Variants in RNF180 observed in about 807,000 individuals in gnomAD.
The protein encoded by RNF180 is E3 ubiquitin-protein ligase RNF180.
Under a neutral mutation model 59.2 loss-of-function variants are expected in RNF180, and 38 were observed. The ratio of observed to expected loss-of-function variants is 0.64; its 90% CI spans 0.50 to 0.84. The LOEUF is 0.84. RNF180 is among the 40% of genes least tolerant of loss of function. The probability of loss-of-function intolerance (pLI) is 0.00; values close to 1 mark genes in which losing one functional copy is unlikely to be tolerated. For synonymous variants in RNF180, 262 were observed against 240.3 expected, an observed-to-expected ratio of 1.09 and a Z score of -0.84; for missense variants, 705 against 700.9, an observed-to-expected ratio of 1.01 and a Z score of -0.07.
intron 7 of RNF180, among the ~76,000 whole-genome samples, chr5:64,368,101 A>G (rs1377995261): frequency 2.0e-5 from 3 of 151,730 alleles, no homozygotes; most frequent in Non-Finnish European, 4.4e-5. Context: ...TAATAAGTAG[A>G]CTATAGTTGA....
chr5:64,246,886 C>G (rs763512203), intron 5 of RNF180, among the ~76,000 whole-genome samples: 19 of 152,118 alleles, frequency 1.2e-4, no homozygotes, highest in Non-Finnish European at 2.2e-4. Context: ...CCGGAATCAG[C>G]AGCACATCAA....
At chr5:64,272,278 T>C (rs1257650687) in intron 5 of RNF180, among the ~76,000 whole-genome samples, 1 of 152,014 alleles carries the variant, frequency 6.6e-6, no homozygotes, top group Non-Finnish European at 1.5e-5. Flanking sequence ...TGAAAAAGTG[T>C]CCTTTTGGCC....
chr5:64,331,824 G>C (rs1744922447), intron 7 of RNF180, among the ~76,000 whole-genome samples: 1 of 152,198 alleles, frequency 6.6e-6, no homozygotes, highest in African/African-American at 2.4e-5. Flanking sequence ...CAGATGTAGA[G>C]ATCCCTGAGC....
At chr5:64,180,479 G>A (rs915164798) in intron 1 of RNF180, among the ~76,000 whole-genome samples, 1 of 152,160 alleles carries the variant, frequency 6.6e-6, no homozygotes, top group African/African-American at 2.4e-5. Flanking sequence ...AGCCTCCAGT[G>A]TACCATTTTC....
intron 5 of RNF180, among the ~76,000 whole-genome samples, chr5:64,246,673 A>G (rs183727638): frequency 1.0e-3 from 159 of 152,330 alleles, no homozygotes; most frequent in African/African-American, 3.7e-3. Flanking sequence ...TCTGAATTCT[A>G]CCAGAGGTAC....
rs143707598 is a variant in RNF180, at chr5:64,276,374, G to GGTGTGTGT, written c.1228-48801_1228-48794dup. 4.8e-3 allele frequency among the ~76,000 whole-genome samples: 701 copies of GGTGTGTGT among 145,452 alleles called. 8 individuals carry two copies. Among genetic ancestry groups the GGTGTGTGT allele is most frequent in the African/African-American group, 0.017 (666 of 39,230 alleles). On this transcript the variant is annotated intron_variant, in intron 5 of 7. Transcript: ENST00000389100. The stretch of plus-strand genomic sequence containing the variant: ...TGTGTGTGTGTACAAAAACCACATT[G>GGTGTGTGT]GTGTGTGTGTGTGTGTGTTTATTTA...
chr5:64,288,916 T>G (rs186453904), intron 5 of RNF180, among the ~76,000 whole-genome samples: 2 of 152,326 alleles, frequency 1.3e-5, no homozygotes, highest in Admixed American at 1.3e-4. Flanking sequence ...GACCAGAACT[T>G]CTAATACTAT....
intron 7 of RNF180, among the ~76,000 whole-genome samples, chr5:64,334,369 G>A (rs1302873219): frequency 6.6e-6 from 1 of 152,150 alleles, no homozygotes; most frequent in Admixed American, 6.5e-5. Context: ...GAACTTGACT[G>A]CAGCTCCCTT....
At position 64,235,040 on chromosome 5, in the gene RNF180, G is replaced by A. The variant is rs191120721; in HGVS notation, c.1227+17644G>A. On this transcript the variant is annotated intron_variant, in intron 5 of 7. Coordinates refer to ENST00000389100, the MANE Select transcript of RNF180 (RefSeq NM_001113561.2). ...ACTTGTAATCCCAGTACTTTGGGAGGCCAGGGCAGGAGGATCACTTTATCC... is the reference window on the plus strand; with the variant it reads ...ACTTGTAATCCCAGTACTTTGGGAGACCAGGGCAGGAGGATCACTTTATCC... 1.0e-3 allele frequency among the ~76,000 whole-genome samples: 154 copies of A among 152,280 alleles called. 2 individuals are homozygous for A. In the East Asian group the frequency reaches 0.018, roughly 18 times the overall value.
intron 7 of RNF180, among the ~76,000 whole-genome samples, chr5:64,348,835 C>G (rs908462682): frequency 6.6e-6 from 1 of 151,952 alleles, no homozygotes; most frequent in African/African-American, 2.4e-5. Context: ...AATGATATAA[C>G]TTATTATTCA....
chr5:64,283,342 C>G (rs989488025), intron 5 of RNF180, among the ~76,000 whole-genome samples: 3 of 151,706 alleles, frequency 2.0e-5, no homozygotes, highest in Non-Finnish European at 4.4e-5. Context: ...TTCTTCATCC[C>G]TTTCCTTTAA....
rs1009544339 is a variant in RNF180, at chr5:64,201,077, C to T, written c.135+135C>T. The stretch of plus-strand genomic sequence containing the variant: ...CTTTGTCATGACTCTTTGTCTCTCA[C>T]CTTATTTCACCTGACCCACTGAAAA... On this transcript the variant is annotated intron_variant, in intron 2 of 7. Transcript: ENST00000389100. 2.8e-5 allele frequency: 18 copies of T among 637,984 alleles called. No individual in the cohort carries two copies. In the Admixed American group the frequency reaches 4.2e-4, roughly 15 times the overall value. 39.5% of individuals were successfully genotyped at this position (637,984 alleles called of 1,614,324 possible). A position where few individuals can be genotyped will look rare whatever the true frequency, so the allele number is the denominator to read the frequency against.
intron 5 of RNF180, among the ~76,000 whole-genome samples, chr5:64,231,229 CAT>C (rs1300419370): frequency 1.1e-4 from 17 of 152,254 alleles, no homozygotes; most frequent in African/African-American, 4.1e-4. Context: ...ATAAATAACA[CAT>C]ATGTAGCACA....
At chr5:64,309,515 A>T (rs1743647408) in intron 5 of RNF180, among the ~76,000 whole-genome samples, 1 of 151,494 alleles carries the variant, frequency 6.6e-6, no homozygotes, top group African/African-American at 2.4e-5. Flanking sequence ...CATAATGTAA[A>T]TTTTTTTGTT....
Position 64,369,839 on chromosome 5 carries a change from A to C in RNF180, c.*25A>C. 7.9e-7 allele frequency: 1 copy of C among 1,259,078 alleles called. No individual in the cohort carries two copies. The highest frequency in any genetic ancestry group is 1.1e-6 in the Non-Finnish European group (1 of 947,934). 78.0% of individuals were successfully genotyped at this position (1,259,078 alleles called of 1,614,324 possible). On this transcript the variant is annotated 3_prime_UTR_variant, in exon 8 of 8. Coordinates refer to ENST00000389100, the MANE Select transcript of RNF180 (RefSeq NM_001113561.2). Reference sequence around the variant, plus strand: ...GGAATTTCATACCTTACTACAATTGACCAATCATAAATGATGTAAATAACA... The same window carrying C: ...GGAATTTCATACCTTACTACAATTGCCCAATCATAAATGATGTAAATAACA...
At chr5:64,178,903 AT>A (rs1750410867) in intron 1 of RNF180, among the ~76,000 whole-genome samples, 1 of 152,096 alleles carries the variant, frequency 6.6e-6, no homozygotes, top group Admixed American at 6.6e-5. Flanking sequence ...CAATGCAGAC[AT>A]TTTGATTCAA....
At chr5:64,238,604 T>A (rs967023021) in intron 5 of RNF180, among the ~76,000 whole-genome samples, 3 of 152,190 alleles carry the variant, frequency 2.0e-5, no homozygotes, top group Admixed American at 2.0e-4. Flanking sequence ...ACATTCAAAA[T>A]TTTTATATAC....
intron 5 of RNF180, among the ~76,000 whole-genome samples, chr5:64,222,005 A>C (rs932935576): frequency 1.3e-5 from 2 of 152,116 alleles, no homozygotes; most frequent in Non-Finnish European, 2.9e-5. Flanking sequence ...TTGTTGTTTC[A>C]GAATCTCATC....
intron 1 of RNF180, among the ~76,000 whole-genome samples, chr5:64,200,376 G>A (rs895453254): frequency 3.9e-5 from 6 of 152,188 alleles, no homozygotes; most frequent in African/African-American, 1.4e-4. Context: ...GATTGCTTGA[G>A]CCCAGGAGTT....
Sources: allele counts gnomAD v4.1 joint callset (sites outside exome capture counted in the v4.1 genomes callset), GRCh38; gene constraint gnomAD v4.1.1; transcripts MANE v1.5; gene names NCBI Gene and HGNC (gene_info 2026-07-23, HGNC 2026-07-21).